The following CNTN5 variants were observed in gnomAD, a reference collection of about 807,000 sequenced individuals.
CNTN5 encodes the protein contactin-5.
A neutral mutation model predicts 129.1 loss-of-function variants in CNTN5; 77 were observed. The ratio of observed to expected loss-of-function variants is 0.60; its 90% CI spans 0.50 to 0.72. The LOEUF (loss-of-function observed/expected upper bound fraction) is 0.72. CNTN5 is among the 30% of genes least tolerant of loss of function. The pLI, the probability that CNTN5 is intolerant of heterozygous loss-of-function variation, is 0.00. For synonymous variants in CNTN5, 509 were observed against 465.6 expected (o/e 1.09, Z -1.20); for missense variants, 1,478 against 1,328.8 (o/e 1.11, Z -1.75).
intron 1 of CNTN5, among the ~76,000 whole-genome samples, chr11:99,253,340 A>G (rs531766695): frequency 6.6e-6 from 1 of 152,176 alleles, no homozygotes; most frequent in African/African-American, 2.4e-5. Flanking sequence ...TTCCTTATAA[A>G]TTACCCAGTC....
At position 99,747,460 on chromosome 11, in the gene CNTN5, C is replaced by CTTTTTTT. The variant is rs55790126; in HGVS notation, c.56-72067_56-72061dup. 1.5e-4 allele frequency among the ~76,000 whole-genome samples: 13 copies of CTTTTTTT among 85,744 alleles called. 1 individual carries two copies. Among genetic ancestry groups the CTTTTTTT allele is most frequent in the Admixed American group, 5.3e-4 (3 of 5,702 alleles). 56.3% of individuals were successfully genotyped at this position (85,744 alleles called of 152,430 possible). A position where few individuals can be genotyped will look rare whatever the true frequency, so the allele number is the denominator to read the frequency against. The stretch of plus-strand genomic sequence containing the variant: ...ACTATATTGAATAGAAGTCAGCATC[C>CTTTTTTT]TTTTTTTTTTTTTTTTTTTTTTTGA... On this transcript the variant is annotated intron_variant, in intron 3 of 24. Coordinates refer to ENST00000524871, the MANE Select transcript of CNTN5 (RefSeq NM_014361.4).
chr11:99,913,919 T>C (rs536927825), intron 6 of CNTN5, among the ~76,000 whole-genome samples: 2 of 152,172 alleles, frequency 1.3e-5, no homozygotes, highest in East Asian at 1.9e-4. Flanking sequence ...GTAGATTCGA[T>C]GAAGATGAAA....
intron 15 of CNTN5, among the ~76,000 whole-genome samples, chr11:100,199,861 A>C (rs1167763947): frequency 6.6e-6 from 1 of 151,934 alleles, no homozygotes; most frequent in East Asian, 1.9e-4. Flanking sequence ...ATTTTTCATC[A>C]CTTTGTACTA....
At chr11:99,246,285 G>A (rs1353833176) in intron 1 of CNTN5, among the ~76,000 whole-genome samples, 1 of 150,118 alleles carries the variant, frequency 6.7e-6, no homozygotes, top group Non-Finnish European at 1.5e-5. Flanking sequence ...AAAGTGATCT[G>A]AATTACACTA....
intron 17 of CNTN5, among the ~76,000 whole-genome samples, chr11:100,269,716 T>G (rs188347072): frequency 6.6e-6 from 1 of 152,074 alleles, no homozygotes; most frequent in South Asian, 2.1e-4. Flanking sequence ...GAGAGATATG[T>G]GCTGGGCAGA....
intron 3 of CNTN5, among the ~76,000 whole-genome samples, chr11:99,609,249 A>T (rs760756665): frequency 6.6e-5 from 10 of 152,192 alleles, no homozygotes; most frequent in Non-Finnish European, 1.2e-4. Flanking sequence ...ATAAACAACA[A>T]AACAGTAGAT....
chr11:99,305,735 C>G (rs1316874015), intron 1 of CNTN5, among the ~76,000 whole-genome samples: 3 of 152,052 alleles, frequency 2.0e-5, no homozygotes, highest in Non-Finnish European at 4.4e-5. Flanking sequence ...AATCCCAACA[C>G]TTTGGGAGGC....
intron 23 of CNTN5, among the ~76,000 whole-genome samples, chr11:100,342,362 A>G (rs1952184545): frequency 6.6e-6 from 1 of 152,126 alleles, no homozygotes; most frequent in Admixed American, 6.6e-5. Flanking sequence ...CAGGCGAGAA[A>G]TATGATAGAC....
chr11:100,046,807 AGTT>A (rs1234537573), intron 9 of CNTN5, among the ~76,000 whole-genome samples: 2 of 152,244 alleles, frequency 1.3e-5, no homozygotes, highest in Non-Finnish European at 2.9e-5. Context: ...TATATGGAAC[AGTT>A]GTTGTCATAT....
intron 4 of CNTN5, among the ~76,000 whole-genome samples, chr11:99,825,714 C>T (rs1220747947): frequency 6.6e-6 from 1 of 152,064 alleles, no homozygotes; most frequent in Non-Finnish European, 1.5e-5. Context: ...CTTTAAGTAT[C>T]TGCTGGCCTC....
chr11:99,542,745 G>A (rs992598464), intron 2 of CNTN5, among the ~76,000 whole-genome samples: 1 of 152,266 alleles, frequency 6.6e-6, no homozygotes, highest in East Asian at 1.9e-4. Context: ...CCTATTAGAG[G>A]CATCTCTCAT....
intron 3 of CNTN5, among the ~76,000 whole-genome samples, chr11:99,565,671 A>T (rs1948981148): frequency 6.6e-6 from 1 of 152,136 alleles, no homozygotes; most frequent in African/African-American, 2.4e-5. Flanking sequence ...ACTCCTTAAA[A>T]TTGCCTACAT....
At chr11:99,338,919 G>GTGATAT (rs1866360799) in intron 2 of CNTN5, among the ~76,000 whole-genome samples, 1 of 126,962 alleles carries the variant, frequency 7.9e-6, no homozygotes, top group Non-Finnish European at 1.7e-5. Context: ...TTCATTCACA[G>GTGATAT]ATATATATAT....
intron 1 of CNTN5, among the ~76,000 whole-genome samples, chr11:99,206,888 C>G (rs542725039): frequency 6.6e-6 from 1 of 151,904 alleles, no homozygotes; most frequent in African/African-American, 2.4e-5. Flanking sequence ...AAGTAAACCC[C>G]AAAAAGCAAA....
intron 13 of CNTN5, among the ~76,000 whole-genome samples, chr11:100,144,654 T>C (rs530385983): frequency 6.6e-6 from 1 of 152,258 alleles, no homozygotes; most frequent in Non-Finnish European, 1.5e-5. Context: ...AACCTAGATG[T>C]CATCCACAAA....
rs140376398 is a variant in CNTN5, at chr11:100,319,995, C to T, written c.2730+11527C>T. Among the ~76,000 whole-genome samples the T allele has an allele frequency of 1.1e-3, 175 of 152,244 alleles. 3 individuals are homozygous for T. The South Asian group carries it at 0.013, about 12-fold the overall frequency. The stretch of plus-strand genomic sequence containing the variant: ...AGATATGATTCCATATGTTGGCTAT[C>T]GTGAATAGTGTTGCAATGAACATGA... On this transcript the variant is annotated intron_variant, in intron 21 of 24. Coordinates refer to ENST00000524871, the MANE Select transcript of CNTN5 (RefSeq NM_014361.4).
intron 1 of CNTN5, among the ~76,000 whole-genome samples, chr11:99,022,771 T>A (rs1318802616): frequency 6.6e-6 from 1 of 152,066 alleles, no homozygotes; most frequent in Non-Finnish European, 1.5e-5. Context: ...TGTGAGGGAA[T>A]GATATTAAAG....
intron 16 of CNTN5, among the ~76,000 whole-genome samples, chr11:100,238,490 C>T (rs1313934598): frequency 6.7e-5 from 8 of 119,716 alleles, no homozygotes; most frequent in Admixed American, 1.1e-4. Context: ...GCAGAAGCAG[C>T]AGCAGCAGGA....
intron 7 of CNTN5, among the ~76,000 whole-genome samples, chr11:99,919,529 A>G (rs1268702456): frequency 6.6e-6 from 1 of 152,078 alleles, no homozygotes; most frequent in East Asian, 1.9e-4. Flanking sequence ...TATTCCTCTC[A>G]GTCAGTCTGT....
Sources: allele counts gnomAD v4.1 joint callset (sites outside exome capture counted in the v4.1 genomes callset), GRCh38; gene constraint gnomAD v4.1.1; transcripts MANE v1.5; gene names NCBI Gene and HGNC (gene_info 2026-07-23, HGNC 2026-07-21).